The following KRT39 variants were observed in gnomAD, a reference collection of about 807,000 sequenced individuals.
KRT39 encodes keratin 39.
KRT39 carries 47 observed loss-of-function variants against 54.8 expected under a neutral mutation model. The ratio of observed to expected loss-of-function variants is 0.86; its 90% CI spans 0.68 to 1.09. The LOEUF (loss-of-function observed/expected upper bound fraction) is 1.09. Among genes scored for constraint, KRT39 ranks in the 50% least tolerant of loss-of-function variants. The probability of loss-of-function intolerance (pLI) is 0.00; values close to 1 mark genes in which losing one functional copy is unlikely to be tolerated. For synonymous variants in KRT39, 207 were observed against 227.9 expected (o/e 0.91, Z 0.83); for missense variants, 580 against 598.5 (o/e 0.97, Z 0.32).
intron 5 of KRT39, among the ~76,000 whole-genome samples, chr17:40,961,912 A>G (rs536152903): frequency 6.6e-6 from 1 of 152,104 alleles, no homozygotes; most frequent in African/African-American, 2.4e-5. Context: ...AATACCATAT[A>G]CCCCCTTCCT....
rs1225339984 is a variant in KRT39, at chr17:40,966,423, G to A, written c.434C>T (p.Ser145Phe). 6.2e-7 allele frequency: 1 copy of A among 1,613,960 alleles called. No homozygotes were observed. The highest frequency in any genetic ancestry group is 2.2e-5 in the East Asian group (1 of 44,902). The change falls in exon 1 of 7, where the codon TCT becomes TTT. Residue 145 changes from serine (S) to phenylalanine (F), a missense_variant. Transcript: ENST00000355612. ...ELPVLCPDYLSYYTTIEELQQ... is the reference protein window; with the variant it reads ...ELPVLCPDYLFYYTTIEELQQ... ...GAGCTCCTCAATGGTAGTGTAGTAAGACAGGTAATCAGGACATAGAACAGG... is the reference window on the plus strand; with the variant it reads ...GAGCTCCTCAATGGTAGTGTAGTAAAACAGGTAATCAGGACATAGAACAGG...
chr17:40,962,615 G>A, intron 3 of KRT39, 52 bp from the exon 4 acceptor site: 1 of 1,512,488 alleles, frequency 6.6e-7, no homozygotes, highest in Non-Finnish European at 9.1e-7. Context: ...TAACCCCTTT[G>A]TGTTCTTGTT....
Position 40,962,420 on chromosome 17 carries a change from T to G in KRT39, c.852A>C (p.Glu284Asp). 6.2e-7 allele frequency: 1 copy of G among 1,614,216 alleles called. No homozygotes were observed. Among genetic ancestry groups the G allele is most frequent in the Non-Finnish European group, 8.5e-7 (1 of 1,180,026 alleles). The part of the protein sequence containing the change: ...PIMETNRKDV[E>D]QWFNTQIEEL... Reference sequence around the variant, plus strand: ...CCCCCACCTGCGTGTTGAACCACTGTTCCACATCTTTGCGGTTTGTCTCCA... The same window carrying G: ...CCCCCACCTGCGTGTTGAACCACTGGTCCACATCTTTGCGGTTTGTCTCCA... Residue 284 changes from glutamate to aspartate, a missense_variant, in exon 4 of 7, where the codon GAA (glutamate) becomes GAC (aspartate). Transcript: ENST00000355612.
chr17:40,961,916 C>G (rs1245690203), intron 5 of KRT39, among the ~76,000 whole-genome samples: 2 of 152,202 alleles, frequency 1.3e-5, no homozygotes, highest in Admixed American at 6.5e-5. Flanking sequence ...CCATATACCC[C>G]CTTCCTGGAG....
chr17:40,961,938 A>C (rs542896702), intron 5 of KRT39, among the ~76,000 whole-genome samples: 3 of 152,198 alleles, frequency 2.0e-5, no homozygotes, highest in African/African-American at 7.2e-5. Context: ...TTCATGGTGT[A>C]TATTAGCTTA....
Position 40,966,465 on chromosome 17 carries a change from T to C in KRT39, c.392A>G (p.Glu131Gly). 6.2e-7 allele frequency: 1 copy of C among 1,614,176 alleles called. No individual in the cohort carries two copies. The highest frequency in any genetic ancestry group is 8.5e-7 in the Non-Finnish European group (1 of 1,180,014). ...TAGAACAGGGAGCTCTTTGTTACTTTCTTCCTGGATTTTAGATTCCAGTTC... is the reference window on the plus strand; with the variant it reads ...TAGAACAGGGAGCTCTTTGTTACTTCCTTCCTGGATTTTAGATTCCAGTTC... ...NAELESKIQE[E>G]SNKELPVLCP... is the part of the protein sequence containing the mutation. The change falls in exon 1 of 7, where the codon GAA (glutamate) becomes GGA (glycine). Residue 131 changes from glutamate to glycine, a missense_variant. Transcript: ENST00000355612.
chr17:40,960,551 G>T, intron 5 of KRT39, 50 bp from the exon 6 acceptor site: 4 of 1,392,958 alleles, frequency 2.9e-6, no homozygotes, highest in Non-Finnish European at 4.1e-6. Context: ...TTAAGCCCAG[G>T]TCACCTGTGA....
At chr17:40,960,176 GCAA>G (rs1911079654) in intron 6 of KRT39, 102 bp downstream of exon 6, 31 of 947,252 alleles carry the variant, frequency 3.3e-5, no homozygotes, top group Non-Finnish European at 4.8e-5. Flanking sequence ...CCCATCACTG[GCAA>G]GAAGGTCAAA....
At chr17:40,958,982 C>T (rs1278819399) in intron 6 of KRT39, 123 bp from the exon 7 acceptor site, 2 of 838,654 alleles carry the variant, frequency 2.4e-6, no homozygotes, top group Non-Finnish European at 3.7e-6. Flanking sequence ...CTTCTAAATG[C>T]TTATTCATTT....
Position 40,966,697 on chromosome 17 carries a change from G to GA in KRT39, c.159dup (p.Pro54SerfsTer31), listed in dbSNP as rs1469303935. 1 of 1,614,094 alleles carries GA rather than the reference G, an allele frequency of 6.2e-7. No homozygotes were observed. Among genetic ancestry groups the GA allele is most frequent in the Non-Finnish European group, 8.5e-7 (1 of 1,180,050 alleles). ...GTGGGTTGGCAGCCCTGGTCCCAGG[G>GA]AATTCTGAGAACGTGGCCAGCTGGT... On this transcript the variant is annotated frameshift_variant, in exon 1 of 7. Coordinates refer to ENST00000355612, the MANE Select transcript of KRT39 (RefSeq NM_213656.4). LOFTEE classifies it high-confidence loss of function.
Position 40,960,465 on chromosome 17 carries a change from C to A in KRT39, c.1033G>T (p.Ala345Ser). 1.2e-6 allele frequency: 2 copies of A among 1,614,062 alleles called. No individual in the cohort carries two copies. Among genetic ancestry groups the A allele is most frequent in the South Asian group, 1.1e-5 (1 of 91,070 alleles). Reference sequence around the variant, plus strand: ...TGGGTCAGCAAGGCCGTGTAGCGAGCCTCTGTCTCCGTTAGGATGCACTCT... The same window carrying A: ...TGGGTCAGCAAGGCCGTGTAGCGAGACTCTGTCTCCGTTAGGATGCACTCT... ...SQECILTETE[A>S]RYTALLTQIQ... The change falls in exon 6 of 7, where the codon GCT becomes TCT. Residue 345 changes from alanine (A) to serine (S), a missense_variant. Coordinates refer to ENST00000355612, the MANE Select transcript of KRT39 (RefSeq NM_213656.4).
In KRT39 at chr17:40,960,344, A is replaced by G; in HGVS notation, c.1154T>C (p.Val385Ala). 1 of 1,613,736 alleles carries G rather than the reference A, an allele frequency of 6.2e-7. No individual in the cohort carries two copies. Among genetic ancestry groups the G allele is most frequent in the Non-Finnish European group, 8.5e-7 (1 of 1,179,970 alleles). Residue 385 changes from valine (V) to alanine (A), a missense_variant, in exon 6 of 7, where the codon GTC becomes GCC. Coordinates refer to ENST00000355612, the MANE Select transcript of KRT39 (RefSeq NM_213656.4). Reference sequence around the variant, plus strand: ...AATCTCACATTCCAGCCGGGACTTGACGTCCAGCAGGATCTCGTATTCTTG... The same window carrying G: ...AATCTCACATTCCAGCCGGGACTTGGCGTCCAGCAGGATCTCGTATTCTTG... ...QNQEYEILLD[V>A]KSRLECEITT...
Position 40,960,508 on chromosome 17 carries a change from T to C in KRT39, c.997-7A>G, listed in dbSNP as rs1911108134. On this transcript the variant is annotated splice_region_variant and splice_polypyrimidine_tract_variant and intron_variant, in intron 5 of 6. Coordinates refer to ENST00000355612, the MANE Select transcript of KRT39 (RefSeq NM_213656.4). ...TGCACTCTTGGGAATCTCTCTACCATGGAGAAGGATAGTAGGATTTATAAT... is the reference window on the plus strand; with the variant it reads ...TGCACTCTTGGGAATCTCTCTACCACGGAGAAGGATAGTAGGATTTATAAT... 1 of 1,605,358 alleles carries C rather than the reference T, an allele frequency of 6.2e-7. No individual in the cohort carries two copies. Among genetic ancestry groups the C allele is most frequent in the African/African-American group, 1.3e-5 (1 of 74,694 alleles).
At position 40,958,703 on chromosome 17, in the gene KRT39, C is replaced by A; in HGVS notation, c.1374G>T (p.Leu458=). 6.2e-7 allele frequency: 1 copy of A among 1,614,046 alleles called. No homozygotes were observed. Among genetic ancestry groups the A allele is most frequent in the Non-Finnish European group, 8.5e-7 (1 of 1,179,984 alleles). Residue 458 remains leucine, a synonymous_variant, in exon 7 of 7, where the codon CTG becomes CTT. Coordinates refer to ENST00000355612, the MANE Select transcript of KRT39 (RefSeq NM_213656.4). ...CSACGPLSRI[L]VKICTITKEI... ...CCTTGGTGATGGTGCAAATTTTAACCAGTATCCGGGACAGGGGTCCGCAGG... is the reference window on the plus strand; with the variant it reads ...CCTTGGTGATGGTGCAAATTTTAACAAGTATCCGGGACAGGGGTCCGCAGG...
chr17:40,962,581 C>CT lies in KRT39; in HGVS notation c.709-19dup, dbSNP rs751967841. ...TTGATTTCCTAAGGAAAGAAAAAGA[C>CT]TGTGAAGTCACTTGGTGAACAGATA... On this transcript the variant is annotated intron_variant, in intron 3 of 6. Coordinates refer to ENST00000355612, the MANE Select transcript of KRT39 (RefSeq NM_213656.4). The CT allele has an allele frequency of 3.7e-6, 6 of 1,607,016 alleles. No individual in the cohort carries two copies. The highest frequency in any genetic ancestry group is 5.1e-6 in the Non-Finnish European group (6 of 1,177,140).
In KRT39 at chr17:40,958,696, T is replaced by A; in HGVS notation, c.1381A>T (p.Ile461Phe). 12 of 1,614,030 alleles carry A rather than the reference T, an allele frequency of 7.4e-6. No homozygotes were observed. The highest frequency in any genetic ancestry group is 1.0e-5 in the Non-Finnish European group (12 of 1,179,976). The change falls in exon 7 of 7, where the codon ATT becomes TTT. Residue 461 changes from isoleucine to phenylalanine, a missense_variant. Physicochemically the swap from Ile to Phe is conservative, Grantham distance 21. Transcript: ENST00000355612. ...CGPLSRILVK[I>F]CTITKEIKDG... ...TTAATCTCCTTGGTGATGGTGCAAA[T>A]TTTAACCAGTATCCGGGACAGGGGT... is the stretch of plus-strand genomic sequence containing the variant.
At chr17:40,964,969 G>C (rs2143625268) in intron 1 of KRT39, among the ~76,000 whole-genome samples, 1 of 152,132 alleles carries the variant, frequency 6.6e-6, no homozygotes, top group South Asian at 2.1e-4. Context: ...GGCCGAGGCG[G>C]GTAGATCACG....
In KRT39 at chr17:40,960,581, A is replaced by T. The variant is rs577474685; in HGVS notation, c.997-80T>A. The T allele has an allele frequency of 5.5e-6, 6 of 1,088,586 alleles. No individual in the cohort carries two copies. The East Asian group carries it at 1.4e-4, about 26-fold the overall frequency. The allele number at this position is 1,088,586 out of a possible 1,614,324, so 67.4% of individuals were successfully genotyped here. A position where few individuals can be genotyped will look rare whatever the true frequency, so the allele number is the denominator to read the frequency against. On this transcript the variant is annotated intron_variant, in intron 5 of 6. Transcript: ENST00000355612. ...CTGTGACCTGTATCATTTAAAAAAAATGGTTTCTTTGTGACACTACTGATA... is the reference window on the plus strand; with the variant it reads ...CTGTGACCTGTATCATTTAAAAAAATTGGTTTCTTTGTGACACTACTGATA...
Position 40,958,612 on chromosome 17 carries a change from C to T in KRT39, c.1465G>A (p.Ala489Thr). Residue 489 changes from alanine (A) to threonine (T), a missense_variant, in exon 7 of 7, where the codon GCC becomes ACC. Ala to Thr is a moderately conservative substitution (Grantham distance 58). Transcript: ENST00000355612. ...ATCACCTTGGGATGTTAGACTTTGGCAGGTCTGATGATGAAACAAGGCTGC... is the reference window on the plus strand; with the variant it reads ...ATCACCTTGGGATGTTAGACTTTGGTAGGTCTGATGATGAAACAAGGCTGC... Reference protein sequence around the residue: ...HVQPCFIIRPAKV With the variant: ...HVQPCFIIRPTKV The T allele has an allele frequency of 1.9e-6, 3 of 1,606,456 alleles. No individual in the cohort carries two copies. The African/African-American group carries it at 4.0e-5, about 21-fold the overall frequency.
Sources: gnomAD v4.1 joint callset for allele counts (sites outside exome capture counted in the v4.1 genomes callset) on GRCh38, gnomAD v4.1.1 for gene constraint, MANE v1.5 for transcripts, NCBI Gene and HGNC (gene_info 2026-07-23, HGNC 2026-07-21) for gene names.